NTAQ1: variants seen among roughly 807,000 people sequenced by gnomAD.
NTAQ1 encodes the protein protein N-terminal glutamine amidohydrolase.
Under a neutral mutation model 28.2 loss-of-function variants are expected in NTAQ1, and 21 were observed. The ratio of observed to expected loss-of-function variants is 0.74; its 90% CI spans 0.53 to 1.07. The LOEUF is 1.07. Ranked by LOEUF, NTAQ1 falls within the 50% of genes least tolerant of loss-of-function variation. NTAQ1 has a pLI of 0.00. For synonymous variants in NTAQ1, 105 were observed against 90.0 expected (o/e 1.17, Z -0.94); for missense variants, 264 against 256.6 (o/e 1.03, Z -0.20).
intron 3 of NTAQ1, among the ~76,000 whole-genome samples, chr8:123,431,534 A>G (rs566120009): frequency 6.6e-6 from 1 of 152,296 alleles, no homozygotes; most frequent in East Asian, 1.9e-4. Context: ...CTAAAAACAG[A>G]TTAAAATCCC....
At chr8:123,424,735 A>AG (rs1037486913) in intron 1 of NTAQ1, among the ~76,000 whole-genome samples, 1 of 152,150 alleles carries the variant, frequency 6.6e-6, no homozygotes, top group Non-Finnish European at 1.5e-5. Context: ...CCACCCTTAG[A>AG]GGGGAATGAA....
chr8:123,434,921 T>C (rs1258743581), intron 3 of NTAQ1, among the ~76,000 whole-genome samples: 1 of 152,098 alleles, frequency 6.6e-6, no homozygotes, highest in African/African-American at 2.4e-5. Context: ...AATCTTTCTG[T>C]TTTGCTAAGA....
At chr8:123,440,259 G>A (rs1027638119) in intron 5 of NTAQ1, among the ~76,000 whole-genome samples, 5 of 136,980 alleles carry the variant, frequency 3.7e-5, no homozygotes, top group Admixed American at 8.0e-5. Flanking sequence ...GGATTCAAGC[G>A]ATTCTCCTGC....
At position 123,437,313 on chromosome 8, in the gene NTAQ1, T is replaced by C. The variant is rs756478272; in HGVS notation, c.487T>C (p.Tyr163His). 9.9e-6 allele frequency: 16 copies of C among 1,614,102 alleles called. No homozygotes were observed. The highest frequency in any genetic ancestry group is 1.4e-5 in the Non-Finnish European group (16 of 1,179,956). Residue 163 changes from tyrosine (Y) to histidine (H), a missense_variant, in exon 5 of 6, where the codon TAT (tyrosine) becomes CAT (histidine). By Grantham distance (83) the Tyr-to-His change is moderately conservative. Coordinates refer to ENST00000287387, the MANE Select transcript of NTAQ1 (RefSeq NM_018024.3). ...GAATTGGAGAGAGCCTCCGCCGCCA[T>C]ATCCCTGCATTGAGACTGGAGGTGA... The part of the protein sequence containing the change: ...SGNWREPPPP[Y>H]PCIETGDSKM...
chr8:123,439,242 G>A (rs1254647896), intron 5 of NTAQ1, among the ~76,000 whole-genome samples: 5 of 151,620 alleles, frequency 3.3e-5, no homozygotes, highest in Admixed American at 6.6e-5. Context: ...GCAGTGGCAC[G>A]ATCCCAGCTC....
chr8:123,455,305 C>T (rs1016647229), intron 6 of NTAQ1, among the ~76,000 whole-genome samples: 2 of 151,974 alleles, frequency 1.3e-5, no homozygotes, highest in African/African-American at 4.8e-5. Context: ...TGGGCACTGT[C>T]GGTGACTTGC....
At chr8:123,462,696 T>C (rs983822994) in intron 6 of NTAQ1, among the ~76,000 whole-genome samples, 5 of 152,164 alleles carry the variant, frequency 3.3e-5, no homozygotes, top group African/African-American at 1.2e-4. Flanking sequence ...AGCTAGTAAG[T>C]GGCCAAAGTG....
intron 6 of NTAQ1, among the ~76,000 whole-genome samples, chr8:123,455,421 A>ATTT (rs925294146): frequency 1.6e-4 from 19 of 115,458 alleles, no homozygotes; most frequent in African/African-American, 3.8e-4. Context: ...ATGCCCAGAA[A>ATTT]TTTTTTTTTT....
downstream of NTAQ1, among the ~76,000 whole-genome samples, chr8:123,450,208 G>C (rs1815449088): frequency 6.6e-6 from 1 of 151,224 alleles, no homozygotes; most frequent in African/African-American, 2.4e-5. Context: ...AAACAAGGAT[G>C]CCCAAAGGAG....
chr8:123,431,034 TC>T (rs1291470996), intron 3 of NTAQ1, among the ~76,000 whole-genome samples: 1 of 152,042 alleles, frequency 6.6e-6, no homozygotes, highest in Non-Finnish European at 1.5e-5. Context: ...CTTAACCCAT[TC>T]CCCTAAAGAA....
chr8:123,428,352 A>G (rs923869598), intron 2 of NTAQ1, among the ~76,000 whole-genome samples: 1 of 151,786 alleles, frequency 6.6e-6, no homozygotes, highest in Non-Finnish European at 1.5e-5. Context: ...ATGTGCCACC[A>G]CGCCCAGCTA....
chr8:123,461,220 T>C (rs1400939188), intron 6 of NTAQ1, among the ~76,000 whole-genome samples: 1 of 152,130 alleles, frequency 6.6e-6, no homozygotes, highest in African/African-American at 2.4e-5. Context: ...AACTCTGGGC[T>C]AGACGCTGCA....
chr8:123,444,023 C>G (rs762442201), downstream of NTAQ1, among the ~76,000 whole-genome samples: 32 of 150,818 alleles, frequency 2.1e-4, no homozygotes, highest in Non-Finnish European at 3.8e-4. Context: ...ATTTATGTCT[C>G]TCTGTGCTTA....
At chr8:123,419,600 A>G (rs960257004) in intron 1 of NTAQ1, among the ~76,000 whole-genome samples, 1 of 152,122 alleles carries the variant, frequency 6.6e-6, no homozygotes, top group African/African-American at 2.4e-5. Flanking sequence ...ACAATTGTGG[A>G]GTGCCTGCTT....
At chr8:123,467,487 TA>T (rs1346184404) in exon 7 of NTAQ1, among the ~76,000 whole-genome samples, 1 of 152,262 alleles carries the variant, frequency 6.6e-6, no homozygotes, top group African/African-American at 2.4e-5. Flanking sequence ...AAATAATTTT[TA>T]AAGTGTTTTC....
chr8:123,471,289 T>C (rs990767971), downstream of NTAQ1, among the ~76,000 whole-genome samples: 2 of 152,170 alleles, frequency 1.3e-5, no homozygotes, highest in African/African-American at 2.4e-5. Flanking sequence ...TCTACTCCAC[T>C]GTGACCTCAT....
At chr8:123,474,350 C>G (rs149843662), downstream of NTAQ1, among the ~76,000 whole-genome samples, 2,523 of 152,248 alleles carry the variant, frequency 0.017, 44 homozygotes, top group Non-Finnish European at 0.023. Context: ...GGTCAGTAAC[C>G]TTGTAGAATG....
intron 6 of NTAQ1, among the ~76,000 whole-genome samples, chr8:123,454,585 G>T (rs1003834563): frequency 6.6e-6 from 1 of 152,086 alleles, no homozygotes; most frequent in Admixed American, 6.6e-5. Context: ...GGTCGGGCTG[G>T]TCTCAAACGC....
At chr8:123,427,134 A>G (rs1305625059) in intron 1 of NTAQ1, among the ~76,000 whole-genome samples, 1 of 152,072 alleles carries the variant, frequency 6.6e-6, no homozygotes, top group Admixed American at 6.6e-5. Context: ...CCCCATTTCT[A>G]AAGAGAGCAG....
Sources: gnomAD v4.1 joint callset for allele counts (sites outside exome capture counted in the v4.1 genomes callset) on GRCh38, gnomAD v4.1.1 for gene constraint, MANE v1.5 for transcripts, NCBI Gene and HGNC (gene_info 2026-07-23, HGNC 2026-07-21) for gene names.